Variants in FBXL20 observed in about 807,000 individuals in gnomAD.
FBXL20 encodes the protein F-box/LRR-repeat protein 20.
FBXL20 carries 11 observed loss-of-function variants against 64.0 expected under a neutral mutation model. The observed-to-expected ratio is 0.17, with a 90% CI of 0.11 to 0.28. The LOEUF (loss-of-function observed/expected upper bound fraction) is 0.28, where lower values mean the gene tolerates loss of function less well. Among genes scored for constraint, FBXL20 ranks in the 10% least tolerant of loss-of-function variants. The pLI, the probability that FBXL20 is intolerant of heterozygous loss-of-function variation, is 1.00. For missense variants in FBXL20, 303 were observed against 526.2 expected, an observed-to-expected ratio of 0.58 and a Z score of 4.15; for synonymous variants, 184 against 189.0, an observed-to-expected ratio of 0.97 and a Z score of 0.22.
chr17:39,381,207 C>T (rs2048019996), intron 1 of FBXL20, among the ~76,000 whole-genome samples: 1 of 151,386 alleles, frequency 6.6e-6, no homozygotes, highest in Non-Finnish European at 1.5e-5. Context: ...AGGCCAGACA[C>T]AGTGGCTCAT....
intron 12 of FBXL20, among the ~76,000 whole-genome samples, chr17:39,267,201 G>A (rs892421530): frequency 2.0e-5 from 3 of 151,954 alleles, no homozygotes; most frequent in African/African-American, 7.3e-5. Flanking sequence ...GCAGTGAGCC[G>A]AGACTGAGCA....
At chr17:39,314,055 A>G (rs942147758) in intron 2 of FBXL20, among the ~76,000 whole-genome samples, 2 of 152,102 alleles carry the variant, frequency 1.3e-5, no homozygotes, top group Non-Finnish European at 2.9e-5. Flanking sequence ...AACAATCTCA[A>G]AAGATTCCCT....
intron 2 of FBXL20, among the ~76,000 whole-genome samples, chr17:39,320,688 A>G (rs1020629819): frequency 1.3e-5 from 2 of 148,648 alleles, no homozygotes; most frequent in Non-Finnish European, 3.0e-5. Context: ...TCCGCCTCCC[A>G]GGCTCAAGCG....
chr17:39,343,431 C>T (rs970769423), intron 1 of FBXL20, among the ~76,000 whole-genome samples, 190 bp from the exon 2 acceptor site: 36 of 152,160 alleles, frequency 2.4e-4, no homozygotes, highest in African/African-American at 8.0e-4. Context: ...CATTCCCTGT[C>T]TCCAAAGAAA....
intron 2 of FBXL20, among the ~76,000 whole-genome samples, chr17:39,331,454 A>G (rs1166375102): frequency 6.6e-6 from 1 of 151,996 alleles, no homozygotes; most frequent in Non-Finnish European, 1.5e-5. Context: ...GTCACAGCTC[A>G]TTTGTCTCAT....
At chr17:39,277,194 G>A (rs934410014) in intron 9 of FBXL20, among the ~76,000 whole-genome samples, 1 of 152,200 alleles carries the variant, frequency 6.6e-6, no homozygotes, top group Non-Finnish European at 1.5e-5. Flanking sequence ...TGCTAAGGCA[G>A]ATACTAATGA....
At chr17:39,318,870 A>G (rs2047321871) in intron 2 of FBXL20, among the ~76,000 whole-genome samples, 1 of 152,248 alleles carries the variant, frequency 6.6e-6, no homozygotes, top group Admixed American at 6.5e-5. Context: ...GCAAAATGTA[A>G]GCGGAAATCT....
At chr17:39,379,370 A>C (rs929065124) in intron 1 of FBXL20, among the ~76,000 whole-genome samples, 1 of 151,772 alleles carries the variant, frequency 6.6e-6, no homozygotes, top group African/African-American at 2.4e-5. Context: ...ATTCCTTAAA[A>C]AGTCAAACAT....
At chr17:39,323,973 C>G (rs1297798845) in intron 2 of FBXL20, among the ~76,000 whole-genome samples, 3 of 148,044 alleles carry the variant, frequency 2.0e-5, no homozygotes, top group Non-Finnish European at 4.4e-5. Context: ...ACCATGTTGG[C>G]CAGGCTGGTC....
intron 10 of FBXL20, among the ~76,000 whole-genome samples, chr17:39,271,597 C>CAAAAA (rs11362087): frequency 7.9e-5 from 4 of 50,778 alleles, no homozygotes; most frequent in Non-Finnish European, 1.3e-4. Context: ...GGCTCCGACT[C>CAAAAA]AAAAAAAAAA....
rs2047763912 is a variant in FBXL20 at position 39,358,548 on chromosome 17, T to C, written c.43-15307A>G. On this transcript the variant is annotated intron_variant, in intron 1 of 14. Coordinates refer to ENST00000264658, the MANE Select transcript of FBXL20 (RefSeq NM_032875.3). ...AAATACAAAGATTATCCGGGCGTGG[T>C]GGCGTACGCCTGTAATCCCACCTAC... is the stretch of plus-strand genomic sequence containing the variant. 3.9e-5 allele frequency among the ~76,000 whole-genome samples: 6 copies of C among 152,068 alleles called. No individual in the cohort carries two copies. The South Asian group carries it at 1.2e-3, about 31-fold the overall frequency.
intron 10 of FBXL20, among the ~76,000 whole-genome samples, chr17:39,274,312 G>T (rs1431112968): frequency 6.6e-6 from 1 of 152,186 alleles, no homozygotes; most frequent in Non-Finnish European, 1.5e-5. Flanking sequence ...GCTGAGGTGA[G>T]ATGATCACTT....
chr17:39,373,272 T>G (rs1221622064), intron 1 of FBXL20, among the ~76,000 whole-genome samples: 1 of 152,226 alleles, frequency 6.6e-6, no homozygotes, highest in Non-Finnish European at 1.5e-5. Context: ...TCTTTTAATC[T>G]TATTTGACTG....
intron 1 of FBXL20, among the ~76,000 whole-genome samples, chr17:39,347,678 G>A (rs1465206305): frequency 6.6e-6 from 1 of 152,182 alleles, no homozygotes; most frequent in Non-Finnish European, 1.5e-5. Context: ...TTGCTGTGCA[G>A]AAGCTCTTTA....
At chr17:39,263,936 C>A in intron 14 of FBXL20, 2 of 387,478 alleles carry the variant, frequency 5.2e-6, no homozygotes, top group Non-Finnish European at 9.6e-6. Context: ...ATTAGACAGA[C>A]TCTGCTGGGA....
intron 2 of FBXL20, among the ~76,000 whole-genome samples, chr17:39,339,277 TG>T (rs1182937510): frequency 6.6e-6 from 1 of 151,984 alleles, no homozygotes; most frequent in African/African-American, 2.4e-5. Context: ...AAGAGTAGCC[TG>T]GGTAACATAG....
At chr17:39,303,763 C>T in intron 2 of FBXL20, 124 bp from the exon 3 acceptor site, 1 of 763,204 alleles carries the variant, frequency 1.3e-6, no homozygotes, top group Non-Finnish European at 2.0e-6. Flanking sequence ...CACTGCTCGC[C>T]CCAGCCTTGA....
At position 39,255,879 on chromosome 17, in the gene FBXL20, A is replaced by AC. The variant is rs1460822036; in HGVS notation, c.*5580dup. 2 of 152,096 alleles carry AC rather than the reference A, an allele frequency of 1.3e-5. No homozygotes were observed. Among genetic ancestry groups the AC allele is most frequent in the East Asian group, 3.8e-4 (2 of 5,196 alleles). 9.4% of individuals were successfully genotyped at this position (152,096 alleles called of 1,614,324 possible). A position where few individuals can be genotyped will look rare whatever the true frequency, so the allele number is the denominator to read the frequency against. On this transcript the variant is annotated 3_prime_UTR_variant, in exon 15 of 15. Transcript: ENST00000264658. ...AGAAGGCAAGGTTAGTAACCTAGTAACCTATGTTCTTTGCTGGAGAATCAA... is the reference window on the plus strand; with the variant it reads ...AGAAGGCAAGGTTAGTAACCTAGTAACCCTATGTTCTTTGCTGGAGAATCAA...
chr17:39,388,771 C>T (rs139234804), intron 1 of FBXL20, among the ~76,000 whole-genome samples: 54 of 150,158 alleles, frequency 3.6e-4, no homozygotes, highest in Non-Finnish European at 7.1e-4. Context: ...TGTGAGCCAC[C>T]GCGCCCGGCA....
Sources: gnomAD v4.1 joint callset for allele counts (sites outside exome capture counted in the v4.1 genomes callset) on GRCh38, gnomAD v4.1.1 for gene constraint, MANE v1.5 for transcripts, NCBI Gene and HGNC (gene_info 2026-07-23, HGNC 2026-07-21) for gene names.